POLG2: variants seen among roughly 807,000 people sequenced by gnomAD.
The protein encoded by POLG2 is DNA polymerase gamma 2, accessory subunit, also known as DNA polymerase subunit gamma-2.
In POLG2, 50 loss-of-function variants were observed where a neutral mutation model predicts 56.5. The ratio of observed to expected loss-of-function variants is 0.88; its 90% CI spans 0.71 to 1.12. The LOEUF is 1.12. POLG2 is among the 50% of genes most tolerant of loss of function. The pLI is 0.00. For synonymous variants in POLG2, 226 were observed against 222.6 expected, an observed-to-expected ratio of 1.02 and a Z score of -0.14; for missense variants, 584 against 583.3, an observed-to-expected ratio of 1.00 and a Z score of -0.01.
intron 1 of POLG2, among the ~76,000 whole-genome samples, chr17:64,495,740 C>T (rs185737954): frequency 6.6e-6 from 1 of 151,928 alleles, no homozygotes; most frequent in Non-Finnish European, 1.5e-5. Context: ...CGGAGTTTTG[C>T]TCTTGTCACC....
chr17:64,491,753 G>C, intron 3 of POLG2: 1 of 728,260 alleles, frequency 1.4e-6, no homozygotes, highest in Admixed American at 1.8e-5. Flanking sequence ...TTTCCTACAA[G>C]GAGCTCAAGC....
rs781868464 is a variant in POLG2 at position 64,482,951 on chromosome 17, C to T, written c.1159G>A (p.Val387Ile). ...AGTTCCAATGTGGGGCCTCTTCCTA[C>T]ATCCAAAGCAACCTTAATAGGGGCT... ...CLAPIKVALD[V>I]GRGPTLELRQ... The change falls in exon 6 of 8, where the codon GTA becomes ATA. Residue 387 changes from valine (V) to isoleucine (I), a missense_variant. Coordinates refer to ENST00000539111, the MANE Select transcript of POLG2 (RefSeq NM_007215.4). 6.2e-7 allele frequency: 1 copy of T among 1,606,284 alleles called. No individual in the cohort carries two copies. The highest frequency in any genetic ancestry group is 2.2e-5 in the East Asian group (1 of 44,836).
chr17:64,480,467 C>A, intron 6 of POLG2, 78 bp from the exon 7 acceptor site: 1 of 678,022 alleles, frequency 1.5e-6, no homozygotes, highest in Admixed American at 2.0e-5. Flanking sequence ...TGTGAAGCCA[C>A]AAATCACCCT....
At chr17:64,482,862 GT>G in intron 6 of POLG2, 56 bp downstream of exon 6, 1 of 1,009,114 alleles carries the variant, frequency 9.9e-7, no homozygotes, top group South Asian at 1.3e-5. Flanking sequence ...GGTCCAAAGC[GT>G]TTTTGGATAA....
At chr17:64,478,056 G>A in intron 7 of POLG2, 68 bp from the exon 8 acceptor site, 1 of 1,537,570 alleles carries the variant, frequency 6.5e-7, no homozygotes, top group South Asian at 1.1e-5. Flanking sequence ...CACGTTGCCA[G>A]CTGTAATTCA....
chr17:64,484,515 G>A (rs1555667099), intron 5 of POLG2, among the ~76,000 whole-genome samples: 2 of 152,132 alleles, frequency 1.3e-5, no homozygotes, highest in Non-Finnish European at 2.9e-5. Context: ...GAGCAAAGGA[G>A]CAACACAACA....
chr17:64,485,663 A>G (rs782233771), intron 5 of POLG2, 65 bp downstream of exon 5: 7 of 1,248,534 alleles, frequency 5.6e-6, no homozygotes, highest in South Asian at 1.2e-5. Context: ...GAGCACACTA[A>G]CATTAAGAAC....
chr17:64,488,636 A>G (rs1215043651), intron 4 of POLG2, among the ~76,000 whole-genome samples: 6 of 152,252 alleles, frequency 3.9e-5, no homozygotes, highest in Non-Finnish European at 8.8e-5. Context: ...TTCGTTAACT[A>G]TGATAATAAC....
intron 3 of POLG2, chr17:64,491,459 G>A (rs1354333198): frequency 1.0e-6 from 1 of 987,996 alleles, no homozygotes; most frequent in Non-Finnish European, 1.5e-6. Flanking sequence ...GCAGTGAGCT[G>A]TGATTGTGCA....
At chr17:64,485,157 T>A (rs2037929436) in intron 5 of POLG2, 1 of 153,864 alleles carries the variant, frequency 6.5e-6, no homozygotes, top group Admixed American at 6.5e-5. Flanking sequence ...TCCTGACCCC[T>A]CCGGTTTCCT....
At chr17:64,487,707 G>T (rs1555667747) in intron 4 of POLG2, among the ~76,000 whole-genome samples, 2 of 151,174 alleles carry the variant, frequency 1.3e-5, no homozygotes, top group African/African-American at 2.4e-5. Flanking sequence ...GAATCTTTAT[G>T]AAGAATGCTT....
At chr17:64,489,612 C>T (rs2872315) in intron 4 of POLG2, among the ~76,000 whole-genome samples, 42,277 of 151,890 alleles carry the variant, frequency 0.28, 11,366 homozygotes, top group African/African-American at 0.7. Flanking sequence ...ATTAAACCAT[C>T]AGTCGGGCAT....
At chr17:64,480,551 T>C (rs1555666319) in intron 6 of POLG2, among the ~76,000 whole-genome samples, 162 bp from the exon 7 acceptor site, 2 of 152,258 alleles carry the variant, frequency 1.3e-5, no homozygotes, top group African/African-American at 4.8e-5. Context: ...TCATATACTT[T>C]ATAAATCGTA....
chr17:64,478,353 A>T (rs1212840787), intron 7 of POLG2, among the ~76,000 whole-genome samples: 1 of 152,174 alleles, frequency 6.6e-6, no homozygotes, highest in African/African-American at 2.4e-5. Flanking sequence ...CTCTTACAAT[A>T]AACAATATTA....
At chr17:64,493,161 T>TA (rs2038092877) in intron 1 of POLG2, 140 bp from the exon 2 acceptor site, 8 of 925,634 alleles carry the variant, frequency 8.6e-6, no homozygotes, top group Non-Finnish European at 1.7e-6. Flanking sequence ...CTCACGCCTA[T>TA]AATCCCAGCA....
chr17:64,483,790 C>T (rs2037905526), intron 5 of POLG2, among the ~76,000 whole-genome samples: 1 of 151,682 alleles, frequency 6.6e-6, no homozygotes, highest in South Asian at 2.1e-4. Context: ...TGCCTCACTG[C>T]AACCCCCACC....
At chr17:64,491,507 C>G (rs1555668462) in intron 3 of POLG2, 2 of 1,474,870 alleles carry the variant, frequency 1.4e-6, no homozygotes, top group Non-Finnish European at 9.4e-7. Flanking sequence ...GAGACTATGT[C>G]TCTAAAAAAA....
intron 3 of POLG2, 97 bp from the exon 4 acceptor site, chr17:64,491,066 T>G: frequency 1.0e-6 from 1 of 977,742 alleles, no homozygotes; most frequent in Non-Finnish European, 1.6e-6. Context: ...CCGATACTTT[T>G]TATTCAGCAA....
At chr17:64,485,698 C>T (rs1555667315) in intron 5 of POLG2, 30 bp downstream of exon 5, 1 of 1,582,034 alleles carries the variant, frequency 6.3e-7, no homozygotes, top group Admixed American at 1.7e-5. Flanking sequence ...TTTTAGTTTC[C>T]CAAGTCTATC....
Sources: allele counts gnomAD v4.1 joint callset (sites outside exome capture counted in the v4.1 genomes callset), GRCh38; gene constraint gnomAD v4.1.1; transcripts MANE v1.5; gene names NCBI Gene and HGNC (gene_info 2026-07-23, HGNC 2026-07-21).